Variants in GBF1 observed in about 807,000 individuals in gnomAD.
GBF1 encodes golgi brefeldin A resistant guanine nucleotide exchange factor 1, also known as Golgi-specific brefeldin A-resistance guanine nucleotide exchange factor 1.
GBF1 carries 114 observed loss-of-function variants against 210.5 expected under a neutral mutation model. That is an observed-to-expected ratio of 0.54 (90% CI 0.47 to 0.63). The LOEUF (loss-of-function observed/expected upper bound fraction) is 0.63, where lower values mean the gene tolerates loss of function less well. Among genes scored for constraint, GBF1 ranks in the 30% least tolerant of loss-of-function variants. The probability of loss-of-function intolerance (pLI) is 0.00; values close to 1 mark genes in which losing one functional copy is unlikely to be tolerated. For synonymous variants in GBF1, 850 were observed against 889.2 expected (o/e 0.96, Z 0.78); for missense variants, 1,851 against 2,357.7 (o/e 0.79, Z 4.45).
At chr10:102,306,045 A>ATT (rs1298702383) in intron 3 of GBF1, among the ~76,000 whole-genome samples, 46 of 131,382 alleles carry the variant, frequency 3.5e-4, no homozygotes, top group South Asian at 2.3e-3. Flanking sequence ...GAGCAAGGTT[A>ATT]CTATATATAT....
At chr10:102,260,476 C>CTTTTTTTTTTTTTTTT (rs60452124) in intron 3 of GBF1, among the ~76,000 whole-genome samples, 7 of 72,428 alleles carry the variant, frequency 9.7e-5, no homozygotes, top group Admixed American at 2.0e-4. Flanking sequence ...TTCCTTTCTT[C>CTTTTTTTTTTTTTTTT]TTTTTTTTTT....
At chr10:102,362,726 T>G in intron 15 of GBF1, 62 bp downstream of exon 15, 1 of 1,355,492 alleles carries the variant, frequency 7.4e-7, no homozygotes, top group Non-Finnish European at 1.0e-6. Context: ...CTCTACTCTC[T>G]GAGTCGTTTT....
chr10:102,292,497 G>C (rs2076530613), intron 3 of GBF1, among the ~76,000 whole-genome samples: 1 of 152,054 alleles, frequency 6.6e-6, no homozygotes, highest in African/African-American at 2.4e-5. Flanking sequence ...TCCAATAGCT[G>C]GGGCTACAGG....
chr10:102,243,219 C>T (rs2070583351), upstream of GBF1, among the ~76,000 whole-genome samples: 1 of 152,172 alleles, frequency 6.6e-6, no homozygotes, highest in Non-Finnish European at 1.5e-5. Context: ...GAAGCCTTTT[C>T]TGAACTCTCA....
chr10:102,352,341 A>T (rs2059042335), intron 6 of GBF1, 117 bp from the exon 7 acceptor site: 1 of 758,198 alleles, frequency 1.3e-6, no homozygotes, highest in Non-Finnish European at 2.4e-6. Context: ...AGCTGGTTTT[A>T]ATAAGTTTGG....
intron 3 of GBF1, among the ~76,000 whole-genome samples, chr10:102,325,195 A>G (rs1366227419): frequency 1.3e-5 from 2 of 152,158 alleles, no homozygotes; most frequent in Admixed American, 6.6e-5. Flanking sequence ...GAGTTATTTC[A>G]CATGATATGC....
At chr10:102,279,825 G>A (rs943129479) in intron 3 of GBF1, among the ~76,000 whole-genome samples, 2 of 152,154 alleles carry the variant, frequency 1.3e-5, no homozygotes, top group Non-Finnish European at 2.9e-5. Context: ...GTTTCTTCGA[G>A]GGAACCTTGC....
intron 1 of GBF1, among the ~76,000 whole-genome samples, chr10:102,258,134 C>T (rs1310587179): frequency 2.0e-5 from 3 of 147,242 alleles, no homozygotes; most frequent in African/African-American, 7.5e-5. Flanking sequence ...GACTTCATCT[C>T]ATTTTAGTAT....
the GBF1 span, among the ~76,000 whole-genome samples, chr10:102,234,059 C>T: frequency 6.6e-6 from 1 of 152,214 alleles, no homozygotes; most frequent in Non-Finnish European, 1.5e-5. Context: ...CTCTGCCTCT[C>T]TCACCCCTTC....
At chr10:102,277,428 C>T (rs1449957956) in intron 3 of GBF1, among the ~76,000 whole-genome samples, 2 of 148,086 alleles carry the variant, frequency 1.4e-5, no homozygotes, top group Non-Finnish European at 3.0e-5. Flanking sequence ...CTCGCTCTGT[C>T]ACCCAGGCTG....
chr10:102,230,672 AGGCGGCAGCCGC>A, the GBF1 span: 1 of 1,588,600 alleles, frequency 6.3e-7, no homozygotes, highest in Non-Finnish European at 8.6e-7. Flanking sequence ...TAGGGGGAAG[AGGCGGCAGCCGC>A]GGCGGCGGCG....
At chr10:102,232,139 C>A in the GBF1 span, 3 of 1,074,490 alleles carry the variant, frequency 2.8e-6, no homozygotes, top group East Asian at 2.5e-5. Context: ...GGTAAAATCT[C>A]CGGCTTAGCT....
Position 102,365,614 on chromosome 10 carries a change from A to G in GBF1, c.2309+15A>G, listed in dbSNP as rs1420354378. On this transcript the variant is annotated intron_variant, in intron 18 of 39. Coordinates refer to ENST00000369983, the MANE Select transcript of GBF1 (RefSeq NM_001377137.1). ...AGCTTTGTGAGGTGAGGAAGCTGTA[A>G]GAAATGTGGGATATAGCCAGGTATG... The G allele has an allele frequency of 6.2e-7, 1 of 1,609,844 alleles. No homozygotes were observed. The highest frequency in any genetic ancestry group is 1.3e-5 in the African/African-American group (1 of 74,848).
At chr10:102,362,093 G>C (rs1343757073) in intron 14 of GBF1, among the ~76,000 whole-genome samples, 181 bp downstream of exon 14, 2 of 107,454 alleles carry the variant, frequency 1.9e-5, no homozygotes, top group African/African-American at 7.4e-5. Flanking sequence ...GTCTCACTCT[G>C]TTGCCCAGGC....
intron 3 of GBF1, among the ~76,000 whole-genome samples, chr10:102,261,001 C>T (rs771026077): frequency 1.3e-5 from 2 of 151,896 alleles, no homozygotes; most frequent in Non-Finnish European, 2.9e-5. Context: ...CATTTATTAC[C>T]TTATTGAACT....
intron 28 of GBF1, 114 bp from the exon 29 acceptor site, chr10:102,370,593 C>T (rs2060152867): frequency 3.1e-6 from 4 of 1,301,510 alleles, no homozygotes; most frequent in Admixed American, 1.7e-5. Flanking sequence ...GAAGCTTACT[C>T]ATCATACCTG....
intron 21 of GBF1, 77 bp from the exon 22 acceptor site, chr10:102,368,141 G>A (rs1313556004): frequency 1.1e-5 from 10 of 904,194 alleles, no homozygotes; most frequent in Middle Eastern, 3.1e-4. Flanking sequence ...GTGCTAGTAT[G>A]GATGAACTCC....
chr10:102,360,138 A>G, intron 11 of GBF1, 46 bp from the exon 12 acceptor site: 1 of 1,205,630 alleles, frequency 8.3e-7, no homozygotes, highest in Non-Finnish European at 1.2e-6. Context: ...AAGCCAGCAG[A>G]CTAGTTGTTT....
intron 3 of GBF1, among the ~76,000 whole-genome samples, chr10:102,303,336 A>G (rs147414837): frequency 2.0e-5 from 3 of 152,288 alleles, no homozygotes; most frequent in East Asian, 1.9e-4. Flanking sequence ...ATTGTTTTAC[A>G]TGTGGGTATC....
Sources: allele counts gnomAD v4.1 joint callset (sites outside exome capture counted in the v4.1 genomes callset), GRCh38; gene constraint gnomAD v4.1.1; transcripts MANE v1.5; gene names NCBI Gene and HGNC (gene_info 2026-07-23, HGNC 2026-07-21).